Variants in ST18 observed in about 807,000 individuals in gnomAD.
ST18 encodes suppression of tumorigenicity 18 protein.
A neutral mutation model predicts 110.0 loss-of-function variants in ST18; 50 were observed. The observed-to-expected ratio is 0.45, with a 90% CI of 0.36 to 0.58. The LOEUF is 0.58. ST18 is among the 20% of genes least tolerant of loss of function. The pLI, the probability that ST18 is intolerant of heterozygous loss-of-function variation, is 0.00. For missense variants in ST18, 1,306 were observed against 1,280.1 expected (o/e 1.02, Z -0.31); for synonymous variants, 461 against 452.4 (o/e 1.02, Z -0.24).
At position 52,368,212 on chromosome 8, in the gene ST18, T is replaced by C. The variant is rs1032004990; in HGVS notation, c.-465+41116A>G. ...ATTAAGCATCCCTAACACCCAAAAATAGAAGGAAAAAAACCTATTTGTCAT... is the reference window on the plus strand; with the variant it reads ...ATTAAGCATCCCTAACACCCAAAAACAGAAGGAAAAAAACCTATTTGTCAT... On this transcript the variant is annotated intron_variant, in intron 2 of 25. Coordinates refer to ENST00000689386, the MANE Select transcript of ST18 (RefSeq NM_001352837.2). Among the ~76,000 whole-genome samples the C allele has an allele frequency of 1.9e-4, 29 of 151,970 alleles. 1 individual carries two copies. Among genetic ancestry groups the C allele is most frequent in the Admixed American group, 1.9e-3 (29 of 15,262 alleles).
intron 2 of ST18, among the ~76,000 whole-genome samples, chr8:52,299,992 T>C (rs1224215770): frequency 1.3e-5 from 2 of 152,234 alleles, no homozygotes; most frequent in Admixed American, 6.5e-5. Context: ...ACCACAGCGT[T>C]GGCAGATAAC....
chr8:52,151,604 G>A (rs1228113417), intron 15 of ST18, among the ~76,000 whole-genome samples: 2 of 152,096 alleles, frequency 1.3e-5, no homozygotes, highest in Non-Finnish European at 2.9e-5. Flanking sequence ...CCATATCAGT[G>A]CCACGTGTGC....
At chr8:52,281,428 C>A (rs1404006578) in intron 2 of ST18, among the ~76,000 whole-genome samples, 2 of 151,948 alleles carry the variant, frequency 1.3e-5, no homozygotes, top group Admixed American at 1.3e-4. Context: ...TGAGAATGAT[C>A]AAGGAAAGAA....
chr8:52,186,017 C>T lies in ST18; in HGVS notation c.87-5705G>A, dbSNP rs139706861. The stretch of plus-strand genomic sequence containing the variant: ...GCCTCCTATTAACATTCCATTTCTC[C>T]ATCCATTTACACAAGCACTGTGAGG... On this transcript the variant is annotated intron_variant, in intron 8 of 25. Coordinates refer to ENST00000689386, the MANE Select transcript of ST18 (RefSeq NM_001352837.2). 7.8e-3 allele frequency among the ~76,000 whole-genome samples: 1,192 copies of T among 152,160 alleles called. 18 individuals are homozygous for T. The highest frequency in any genetic ancestry group is 0.028 in the African/African-American group (1,144 of 41,530).
intron 2 of ST18, among the ~76,000 whole-genome samples, chr8:52,309,520 C>CAAA (rs756214451): frequency 0.031 from 1,167 of 37,716 alleles, 100 homozygotes; most frequent in East Asian, 0.07. Context: ...GACTCCATCT[C>CAAA]AAAAAAAAAA....
At chr8:52,215,766 G>C (rs1378582086) in intron 6 of ST18, among the ~76,000 whole-genome samples, 1 of 152,116 alleles carries the variant, frequency 6.6e-6, no homozygotes, top group Non-Finnish European at 1.5e-5. Context: ...TGACAGATGT[G>C]ACACTGCCTA....
intron 2 of ST18, among the ~76,000 whole-genome samples, chr8:52,262,792 G>A (rs1041080809): frequency 6.6e-6 from 1 of 152,152 alleles, no homozygotes; most frequent in African/African-American, 2.4e-5. Context: ...CCTCCTACTC[G>A]CTGCACACAG....
chr8:52,288,700 T>TA (rs548531236), intron 2 of ST18, among the ~76,000 whole-genome samples: 6,258 of 107,010 alleles, frequency 0.058, 229 homozygotes, highest in East Asian at 0.15. Flanking sequence ...TCTCAAAAAA[T>TA]AAAAAAAAAA....
At chr8:52,331,321 A>G (rs572572595) in intron 2 of ST18, among the ~76,000 whole-genome samples, 1 of 151,344 alleles carries the variant, frequency 6.6e-6, no homozygotes, top group South Asian at 2.1e-4. Flanking sequence ...TATGAATAAT[A>G]TTTGTTATAT....
At chr8:52,171,070 A>G (rs567185506) in intron 10 of ST18, among the ~76,000 whole-genome samples, 1 of 152,262 alleles carries the variant, frequency 6.6e-6, no homozygotes, top group South Asian at 2.1e-4. Flanking sequence ...TGATGATGGG[A>G]TCTGAAAATA....
chr8:52,400,473 C>T (rs952563446), intron 2 of ST18, among the ~76,000 whole-genome samples: 6 of 152,046 alleles, frequency 3.9e-5, no homozygotes, highest in East Asian at 3.9e-4. Flanking sequence ...TAATTGTTTT[C>T]GGTTGTTTTG....
At chr8:52,329,829 A>G (rs1464148529) in intron 2 of ST18, among the ~76,000 whole-genome samples, 2 of 152,192 alleles carry the variant, frequency 1.3e-5, no homozygotes, top group African/African-American at 4.8e-5. Context: ...CCCAATTTCT[A>G]TTAGTGCTTC....
At chr8:52,396,690 T>A (rs545523224) in intron 2 of ST18, among the ~76,000 whole-genome samples, 1 of 152,062 alleles carries the variant, frequency 6.6e-6, no homozygotes, top group African/African-American at 2.4e-5. Flanking sequence ...TAAAAAACCA[T>A]CAGATCTCAT....
At chr8:52,329,848 GTTAAAAAGGT>G (rs1808344530) in intron 2 of ST18, among the ~76,000 whole-genome samples, 1 of 152,140 alleles carries the variant, frequency 6.6e-6, no homozygotes, top group African/African-American at 2.4e-5. Flanking sequence ...TCTCCAGAAG[GTTAAAAAGGT>G]TGCAAAATAT....
rs375657687 is a variant in ST18 at position 52,337,937 on chromosome 8, C to G, written c.-465+71391G>C. Among the ~76,000 whole-genome samples, 6 of 152,264 alleles carry G rather than the reference C, an allele frequency of 3.9e-5. 1 individual carries two copies. In the East Asian group the frequency reaches 5.8e-4, roughly 15 times the overall value. On this transcript the variant is annotated intron_variant, in intron 2 of 25. Transcript: ENST00000689386. ...ACTGACCTACAACTATAGCCCATAC[C>G]CTTTATATTTGGTGACAATATCTAC...
chr8:52,185,457 A>G (rs1319848532), intron 8 of ST18, among the ~76,000 whole-genome samples: 4 of 152,212 alleles, frequency 2.6e-5, no homozygotes, highest in African/African-American at 7.2e-5. Flanking sequence ...AGAACCAAGA[A>G]GAGCAAAGAC....
intron 3 of ST18, among the ~76,000 whole-genome samples, chr8:52,229,031 C>G (rs1458103204): frequency 6.6e-6 from 1 of 152,202 alleles, no homozygotes; most frequent in Non-Finnish European, 1.5e-5. Flanking sequence ...ACAGAACTCT[C>G]TGAGTTGGCA....
chr8:52,161,304 G>A, intron 14 of ST18, 71 bp downstream of exon 14: 2 of 1,491,972 alleles, frequency 1.3e-6, no homozygotes, highest in East Asian at 2.3e-5. Flanking sequence ...CAGCCCCCTG[G>A]CCCCCAGTAC....
chr8:52,355,837 A>C (rs918870556), intron 2 of ST18, among the ~76,000 whole-genome samples: 1 of 152,174 alleles, frequency 6.6e-6, no homozygotes, highest in African/African-American at 2.4e-5. Context: ...TGATCTGTCG[A>C]GTAGCTCCCT....
Sources: gnomAD v4.1 joint callset for allele counts (sites outside exome capture counted in the v4.1 genomes callset) on GRCh38, gnomAD v4.1.1 for gene constraint, MANE v1.5 for transcripts, NCBI Gene and HGNC (gene_info 2026-07-23, HGNC 2026-07-21) for gene names.